Variants in EPHB2 observed in about 807,000 individuals in gnomAD.
EPHB2 encodes the protein EPH receptor B2, also known as ephrin type-B receptor 2.
In EPHB2, 18 loss-of-function variants were observed where a neutral mutation model predicts 96.4. The ratio of observed to expected loss-of-function variants is 0.19; its 90% CI spans 0.13 to 0.28. EPHB2 has a LOEUF of 0.28. Ranked by LOEUF, EPHB2 falls within the 10% of genes least tolerant of loss-of-function variation. EPHB2 has a pLI of 1.00. For synonymous variants in EPHB2, 506 were observed against 534.1 expected, an observed-to-expected ratio of 0.95 and a Z score of 0.72; for missense variants, 989 against 1,355.4, an observed-to-expected ratio of 0.73 and a Z score of 4.25.
At chr1:22,908,893 G>T in intron 12 of EPHB2, 129 bp from the exon 13 acceptor site, 2 of 1,424,186 alleles carry the variant, frequency 1.4e-6, no homozygotes, top group East Asian at 5.0e-5. Flanking sequence ...GAAGCTGCAT[G>T]GTAAGTTTGG....
In EPHB2 at chr1:22,858,735, T is replaced by C. The variant is rs1278470503; in HGVS notation, c.812-4302T>C. On this transcript the variant is annotated intron_variant, in intron 3 of 15. Transcript: ENST00000374630. The surrounding 1 kb of genome is among the most constrained non-coding windows in gnomAD (Gnocchi z 7.7). ...TAGCTGATGGGAGCTGAGGCCCCAG[T>C]GCACCCCACAGTCACACAGTAGACT... 3.9e-5 allele frequency among the ~76,000 whole-genome samples: 6 copies of C among 152,120 alleles called. No homozygotes were observed. Among genetic ancestry groups the C allele is most frequent in the Admixed American group, 3.9e-4 (6 of 15,274 alleles).
chr1:22,758,652 A>G lies in EPHB2; in HGVS notation c.62-22769A>G, dbSNP rs186659181. ...CAAGTCCCAGTGCCACCTCTCACAC[A>G]TGGTCTTTCCCTGCATGATCAGGTC... On this transcript the variant is annotated intron_variant, in intron 1 of 15. Transcript: ENST00000374630. 3.0e-3 allele frequency among the ~76,000 whole-genome samples: 450 copies of G among 149,718 alleles called. 2 individuals are homozygous for G. The highest frequency in any genetic ancestry group is 0.011 in the African/African-American group (431 of 40,490).
chr1:22,902,888 C>T (rs1639794433), intron 9 of EPHB2, among the ~76,000 whole-genome samples: 2 of 152,188 alleles, frequency 1.3e-5, no homozygotes, highest in Admixed American at 6.5e-5. Flanking sequence ...TGGAGCAATC[C>T]AGGCAGTCTT....
At chr1:22,865,805 AC>A (rs1226797390) in intron 5 of EPHB2, among the ~76,000 whole-genome samples, 4 of 152,124 alleles carry the variant, frequency 2.6e-5, no homozygotes, top group Non-Finnish European at 5.9e-5. Context: ...TTGCAGCCTA[AC>A]TTGTACCTCC....
At chr1:22,805,867 T>C (rs1644918262) in intron 3 of EPHB2, among the ~76,000 whole-genome samples, 1 of 152,178 alleles carries the variant, frequency 6.6e-6, no homozygotes, top group African/African-American at 2.4e-5. Flanking sequence ...AGCAGCCGCC[T>C]GGGGTGGGAG....
At chr1:22,715,525 C>CT (rs1386088454) in intron 1 of EPHB2, among the ~76,000 whole-genome samples, 1 of 152,150 alleles carries the variant, frequency 6.6e-6, no homozygotes, top group East Asian at 1.9e-4. Flanking sequence ...ATTGGTTTTC[C>CT]TTTTATGTCT....
At chr1:22,876,029 A>G (rs951819002) in intron 5 of EPHB2, among the ~76,000 whole-genome samples, 5 of 152,190 alleles carry the variant, frequency 3.3e-5, no homozygotes, top group African/African-American at 1.2e-4. Flanking sequence ...GGCAGACGCC[A>G]GGCAGCTGGG....
chr1:22,845,722 CCA>C (rs991589267), intron 3 of EPHB2, among the ~76,000 whole-genome samples: 7 of 151,654 alleles, frequency 4.6e-5, no homozygotes, highest in South Asian at 2.1e-4. Context: ...ACACACACAC[CCA>C]CACACACACG....
At chr1:22,742,515 T>C (rs957323522) in intron 1 of EPHB2, among the ~76,000 whole-genome samples, 1 of 152,152 alleles carries the variant, frequency 6.6e-6, no homozygotes, top group Non-Finnish European at 1.5e-5. Flanking sequence ...CTTCCGAGTG[T>C]CTCACTGTGT....
At chr1:22,829,305 C>A (rs1348323944) in intron 3 of EPHB2, among the ~76,000 whole-genome samples, 1 of 152,252 alleles carries the variant, frequency 6.6e-6, no homozygotes, top group Non-Finnish European at 1.5e-5. Flanking sequence ...TAGCACACAC[C>A]CAGCCGGGAG....
intron 1 of EPHB2, among the ~76,000 whole-genome samples, chr1:22,729,756 G>C (rs931479932): frequency 5.9e-5 from 9 of 152,176 alleles, no homozygotes; most frequent in Admixed American, 2.6e-4. Flanking sequence ...AATAATTAAT[G>C]TGTTTCTTTG....
At chr1:22,736,865 C>T (rs1557644291) in intron 1 of EPHB2, among the ~76,000 whole-genome samples, 1 of 152,136 alleles carries the variant, frequency 6.6e-6, no homozygotes, top group East Asian at 1.9e-4. Context: ...CCGGCCCCCT[C>T]CCTGTCAGAC....
intron 1 of EPHB2, among the ~76,000 whole-genome samples, chr1:22,751,803 G>A (rs1049333476): frequency 6.6e-6 from 1 of 152,170 alleles, no homozygotes; most frequent in African/African-American, 2.4e-5. Flanking sequence ...TTCTGGAGTT[G>A]CCTCGCTGCA....
intron 3 of EPHB2, among the ~76,000 whole-genome samples, chr1:22,822,670 C>T (rs1045588152): frequency 6.6e-6 from 1 of 152,246 alleles, no homozygotes; most frequent in Non-Finnish European, 1.5e-5. Flanking sequence ...GAAAGGAAGG[C>T]CCTGTTGGCC....
chr1:22,907,005 G>A, intron 11 of EPHB2, 48 bp downstream of exon 11: 1 of 1,560,090 alleles, frequency 6.4e-7, no homozygotes, highest in Non-Finnish European at 8.7e-7. Context: ...GGCAGGAAAA[G>A]GAACGATGGA....
At chr1:22,765,825 G>A (rs1644300601) in intron 1 of EPHB2, among the ~76,000 whole-genome samples, 1 of 152,072 alleles carries the variant, frequency 6.6e-6, no homozygotes, top group Admixed American at 6.5e-5. Context: ...ACCTTTGTGG[G>A]ACTGACAAGG....
chr1:22,728,151 G>A (rs1241223918), intron 1 of EPHB2, among the ~76,000 whole-genome samples: 1 of 152,080 alleles, frequency 6.6e-6, no homozygotes, highest in Non-Finnish European at 1.5e-5. Flanking sequence ...ACAAAGGCAG[G>A]GATTTTTTTA....
intron 1 of EPHB2, among the ~76,000 whole-genome samples, chr1:22,725,673 C>G (rs1643565520): frequency 6.6e-6 from 1 of 152,158 alleles, no homozygotes; most frequent in Admixed American, 6.5e-5. Flanking sequence ...AAGCTGGCCC[C>G]CAAAGTGAAT....
At chr1:22,751,802 T>C (rs6700664) in intron 1 of EPHB2, among the ~76,000 whole-genome samples, 150,592 of 152,342 alleles carry the variant, frequency 0.99, 74,457 homozygotes, top group Middle Eastern at 1. Context: ...CTTCTGGAGT[T>C]GCCTCGCTGC....
Sources: allele counts gnomAD v4.1 joint callset (sites outside exome capture counted in the v4.1 genomes callset), GRCh38; gene constraint gnomAD v4.1.1; non-coding constraint Gnocchi (gnomAD v3.1); transcripts MANE v1.5; gene names NCBI Gene and HGNC (gene_info 2026-07-23, HGNC 2026-07-21).